UBE3C: variants seen among roughly 807,000 people sequenced by gnomAD.
UBE3C encodes ubiquitin-protein ligase E3C.
UBE3C carries 42 observed loss-of-function variants against 129.4 expected under a neutral mutation model. That is an observed-to-expected ratio of 0.32 (90% CI 0.25 to 0.42). The LOEUF (loss-of-function observed/expected upper bound fraction) is 0.42. UBE3C is among the 10% of genes least tolerant of loss of function. The pLI is 1.00. For missense variants in UBE3C, 1,049 were observed against 1,319.1 expected (o/e 0.80, Z 3.17); for synonymous variants, 510 against 492.4 (o/e 1.04, Z -0.47).
At chr7:157,171,041 G>A (rs1650579377) in intron 4 of UBE3C, among the ~76,000 whole-genome samples, 1 of 151,896 alleles carries the variant, frequency 6.6e-6, no homozygotes, top group Admixed American at 6.6e-5. Context: ...TGAACTTCTA[G>A]CCTCAAGTGA....
chr7:157,173,922 G>A lies in UBE3C; in HGVS notation c.343-997G>A, dbSNP rs562315079. ...TATTTCATCCCAGTTTAAGACATGC[G>A]CTAATTTATTATGCAGAGTGCTTTT... is the stretch of plus-strand genomic sequence containing the variant. On this transcript the variant is annotated intron_variant, in intron 4 of 22. Transcript: ENST00000348165. Among the ~76,000 whole-genome samples, 9 of 152,270 alleles carry A rather than the reference G, an allele frequency of 5.9e-5. No homozygotes were observed. In the East Asian group the frequency reaches 9.6e-4, roughly 16 times the overall value.
chr7:157,185,066 A>C (rs1028878219), intron 9 of UBE3C, among the ~76,000 whole-genome samples: 1 of 152,220 alleles, frequency 6.6e-6, no homozygotes, highest in Non-Finnish European at 1.5e-5. Flanking sequence ...AATGTAGATA[A>C]ATTTTTGTTT....
chr7:157,237,390 G>A (rs898479761), intron 18 of UBE3C, among the ~76,000 whole-genome samples: 4 of 152,096 alleles, frequency 2.6e-5, no homozygotes, highest in African/African-American at 7.2e-5. Context: ...GCAGTGAGCC[G>A]AGATTGCGCC....
intron 18 of UBE3C, among the ~76,000 whole-genome samples, chr7:157,234,252 T>A (rs1369982234): frequency 6.6e-6 from 1 of 152,232 alleles, no homozygotes. Context: ...TTCCCTGACC[T>A]AAAATCACAA....
intron 11 of UBE3C, among the ~76,000 whole-genome samples, chr7:157,202,260 CAT>C (rs1563054110): frequency 6.6e-6 from 1 of 152,214 alleles, no homozygotes. Context: ...TTTGACTTAA[CAT>C]ATTTTAACTG....
In UBE3C at chr7:157,269,097, AAATT is replaced by A. The variant is rs1284954078; in HGVS notation, c.*1345_*1348del. On this transcript the variant is annotated 3_prime_UTR_variant, in exon 23 of 23. Coordinates refer to ENST00000348165, the MANE Select transcript of UBE3C (RefSeq NM_014671.3). ...TGTATAATTTCTTAATTTGAATAAT[AAATT>A]AAGCGTTTAAATGCTATTTGTAGTC... 42 of 151,364 alleles carry A rather than the reference AAATT, an allele frequency of 2.8e-4. No individual in the cohort carries two copies. The highest frequency in any genetic ancestry group is 8.2e-4 in the African/African-American group (33 of 40,260). The allele number at this position is 151,364 out of a possible 1,614,324, so 9.4% of individuals were successfully genotyped here. A position where few individuals can be genotyped will look rare whatever the true frequency, so the allele number is the denominator to read the frequency against.
At chr7:157,175,499 C>T (rs1036288072) in intron 5 of UBE3C, among the ~76,000 whole-genome samples, 7 of 152,076 alleles carry the variant, frequency 4.6e-5, no homozygotes, top group African/African-American at 7.2e-5. Flanking sequence ...ATTCAGTGTC[C>T]GAAAGAACAC....
chr7:157,253,391 T>C (rs1796667002), intron 19 of UBE3C, among the ~76,000 whole-genome samples: 2 of 152,234 alleles, frequency 1.3e-5, no homozygotes, highest in South Asian at 4.1e-4. Context: ...TAATAAAAAG[T>C]GTTCTTACTC....
intron 1 of UBE3C, among the ~76,000 whole-genome samples, chr7:157,154,194 G>A (rs924732292): frequency 7.2e-5 from 11 of 151,802 alleles, no homozygotes; most frequent in African/African-American, 2.2e-4. Context: ...GGTGGCAGGC[G>A]GCTGTAATCC....
chr7:157,231,751 A>T (rs1271068632), intron 18 of UBE3C: 1 of 166,832 alleles, frequency 6.0e-6, no homozygotes, highest in Non-Finnish European at 1.3e-5. Context: ...CTGCCTCTGG[A>T]CCATGGGCTC....
chr7:157,229,523 G>A (rs958155969), intron 17 of UBE3C, among the ~76,000 whole-genome samples: 2 of 152,150 alleles, frequency 1.3e-5, no homozygotes, highest in Non-Finnish European at 1.5e-5. Context: ...CACCATGTTA[G>A]TCAGGCTGGT....
intron 22 of UBE3C, among the ~76,000 whole-genome samples, chr7:157,264,079 A>G (rs1796998404): frequency 6.6e-6 from 1 of 151,876 alleles, no homozygotes; most frequent in South Asian, 2.1e-4. Context: ...CCTGTTACAC[A>G]CACACACACC....
chr7:157,242,605 G>C (rs1360357092), intron 18 of UBE3C, among the ~76,000 whole-genome samples: 4 of 142,894 alleles, frequency 2.8e-5, no homozygotes, highest in Non-Finnish European at 6.0e-5. Flanking sequence ...TTTGCTTCTT[G>C]TCAGTGGAAG....
intron 10 of UBE3C, chr7:157,192,283 A>G (rs1421804534): frequency 2.5e-6 from 1 of 405,878 alleles, no homozygotes; most frequent in African/African-American, 2.1e-5. Flanking sequence ...CCACGTTTTT[A>G]AAGTTTTCTT....
rs577867064 is a variant in UBE3C, at chr7:157,197,751, A to G, written c.1332-3970A>G. The G allele has an allele frequency of 1.5e-4, 240 of 1,612,194 alleles. 2 individuals are homozygous for G. The South Asian group carries it at 2.4e-3, about 16-fold the overall frequency. The stretch of plus-strand genomic sequence containing the variant: ...ACAAGACTGTACAATAAAGTTCCGG[A>G]CATCCAGGATCCTGTGTGTACTATT... On this transcript the variant is annotated intron_variant, in intron 10 of 22. Coordinates refer to ENST00000348165, the MANE Select transcript of UBE3C (RefSeq NM_014671.3).
chr7:157,249,632 G>A (rs1796572029), intron 19 of UBE3C, among the ~76,000 whole-genome samples: 1 of 152,166 alleles, frequency 6.6e-6, no homozygotes, highest in African/African-American at 2.4e-5. Flanking sequence ...CTTTTACGTG[G>A]TCTTCCTTCA....
At chr7:157,190,971 G>T (rs185532919) in intron 10 of UBE3C, among the ~76,000 whole-genome samples, 5 of 152,212 alleles carry the variant, frequency 3.3e-5, no homozygotes, top group Non-Finnish European at 7.4e-5. Context: ...TGTTCTCAGG[G>T]GCTTGGCTCT....
rs765373612 is a variant in UBE3C at position 157,248,484 on chromosome 7, G to A, written c.2598G>A (p.Val866=). The A allele has an allele frequency of 1.2e-6, 2 of 1,613,574 alleles. No homozygotes were observed. Among genetic ancestry groups the A allele is most frequent in the Admixed American group, 1.7e-5 (1 of 60,016 alleles). The change falls in exon 19 of 23, where the codon GTG becomes GTA. Residue 866 remains valine (V), a synonymous_variant. Coordinates refer to ENST00000348165, the MANE Select transcript of UBE3C (RefSeq NM_014671.3). ...ACCTCGCCTCCCTAGACCCTGAGGT[G>A]TATAAGAATTTGCTCTTTCTGAAGA... is the stretch of plus-strand genomic sequence containing the variant. ...IHHLASLDPE[V]YKNLLFLKSY...
At chr7:157,237,169 C>G (rs991192347) in intron 18 of UBE3C, among the ~76,000 whole-genome samples, 1 of 152,170 alleles carries the variant, frequency 6.6e-6, no homozygotes, top group East Asian at 1.9e-4. Context: ...CGGCTGGGTG[C>G]AGTGGCTCAT....
Sources: gnomAD v4.1 joint callset for allele counts (sites outside exome capture counted in the v4.1 genomes callset) on GRCh38, gnomAD v4.1.1 for gene constraint, MANE v1.5 for transcripts, NCBI Gene and HGNC (gene_info 2026-07-23, HGNC 2026-07-21) for gene names.